ABTB3: variants seen among roughly 807,000 people sequenced by gnomAD.
The protein encoded by ABTB3 is ankyrin repeat- and BTB/POZ domain-containing protein 3.
the ABTB3 span, among the ~76,000 whole-genome samples, chr12:107,382,955 G>T: frequency 6.6e-6 from 1 of 152,150 alleles, no homozygotes; most frequent in South Asian, 2.1e-4. Context: ...TGGACTCACT[G>T]CAGGGTAGGA....
the ABTB3 span, among the ~76,000 whole-genome samples, chr12:107,516,825 T>C: frequency 6.6e-6 from 1 of 152,224 alleles, no homozygotes; most frequent in Non-Finnish European, 1.5e-5. Context: ...CCTCACCTGC[T>C]AGTTGGTTTA....
chr12:107,621,588 G>A, the ABTB3 span, among the ~76,000 whole-genome samples: 1 of 152,262 alleles, frequency 6.6e-6, no homozygotes, highest in East Asian at 1.9e-4. Context: ...TTACTTTGAG[G>A]TATGACATAC....
chr12:107,579,373 A>G, the ABTB3 span, among the ~76,000 whole-genome samples: 1 of 152,192 alleles, frequency 6.6e-6, no homozygotes, highest in Admixed American at 6.5e-5. Context: ...TATATAGTCA[A>G]GTAACTTGGG....
the ABTB3 span, among the ~76,000 whole-genome samples, chr12:107,631,624 C>A: frequency 5.3e-5 from 8 of 152,170 alleles, no homozygotes; most frequent in African/African-American, 1.7e-4. Context: ...AGGCTCCTCT[C>A]GATAGAGGCA....
the ABTB3 span, among the ~76,000 whole-genome samples, chr12:107,563,359 C>T: frequency 6.6e-6 from 1 of 152,098 alleles, no homozygotes; most frequent in Non-Finnish European, 1.5e-5. Flanking sequence ...TACAAAGTAC[C>T]AGCACTGTTC....
chr12:107,544,218 G>C, the ABTB3 span: 1 of 1,445,154 alleles, frequency 6.9e-7, no homozygotes. Context: ...TGGGGAGGAT[G>C]ATGGGGGTAG....
the ABTB3 span, among the ~76,000 whole-genome samples, chr12:107,616,319 G>A: frequency 6.6e-6 from 1 of 152,294 alleles, no homozygotes; most frequent in South Asian, 2.1e-4. Flanking sequence ...CCAAGTAGGT[G>A]GCTCCCCCAT....
chr12:107,575,645 A>G, the ABTB3 span, among the ~76,000 whole-genome samples: 208 of 152,246 alleles, frequency 1.4e-3, 1 homozygote, highest in African/African-American at 4.8e-3. Flanking sequence ...GACTGCCTGC[A>G]TTACCTAGCT....
chr12:107,363,885 C>G, the ABTB3 span, among the ~76,000 whole-genome samples: 1 of 152,178 alleles, frequency 6.6e-6, no homozygotes, highest in South Asian at 2.1e-4. Flanking sequence ...GGAGTCCTAA[C>G]TCTTGAGGCT....
the ABTB3 span, among the ~76,000 whole-genome samples, chr12:107,410,226 TAA>T: frequency 1.7e-4 from 21 of 122,208 alleles, no homozygotes; most frequent in South Asian, 2.6e-4. Context: ...TCAGAATTGT[TAA>T]AAAAAAAAAA....
the ABTB3 span, among the ~76,000 whole-genome samples, chr12:107,333,361 G>T: frequency 3.3e-5 from 5 of 152,292 alleles, no homozygotes; most frequent in African/African-American, 1.2e-4. Context: ...GCAAGCTGGG[G>T]TGCAAGTTTA....
At chr12:107,627,697 C>A in the ABTB3 span, among the ~76,000 whole-genome samples, 1 of 152,286 alleles carries the variant, frequency 6.6e-6, no homozygotes, top group East Asian at 1.9e-4. Context: ...AGTCATGGGC[C>A]CCTAGCATCT....
the ABTB3 span, among the ~76,000 whole-genome samples, chr12:107,564,100 G>C: frequency 4.8e-5 from 7 of 145,030 alleles, no homozygotes; most frequent in Admixed American, 1.4e-4. Context: ...CTGTGTGTGT[G>C]TGTGTGTGTG....
the ABTB3 span, among the ~76,000 whole-genome samples, chr12:107,520,811 G>T: frequency 0.029 from 4,437 of 152,330 alleles, 80 homozygotes; most frequent in Non-Finnish European, 0.045. Context: ...CGTGGGGAAG[G>T]TAAGAGCTCT....
chr12:107,362,204 T>C, the ABTB3 span, among the ~76,000 whole-genome samples: 1 of 152,194 alleles, frequency 6.6e-6, no homozygotes. Flanking sequence ...GAAGCAGATG[T>C]AAGTACCTAC....
At chr12:107,441,984 A>G in the ABTB3 span, among the ~76,000 whole-genome samples, 16 of 152,132 alleles carry the variant, frequency 1.1e-4, no homozygotes, top group African/African-American at 3.9e-4. Context: ...GTCATCTGGT[A>G]TCTGGGGTAT....
chr12:107,525,525 A>G, the ABTB3 span, among the ~76,000 whole-genome samples: 1 of 152,086 alleles, frequency 6.6e-6, no homozygotes, highest in Admixed American at 6.5e-5. Flanking sequence ...GATAGGCTAC[A>G]CCCTACAGCC....
the ABTB3 span, among the ~76,000 whole-genome samples, chr12:107,413,788 A>C: frequency 6.6e-6 from 1 of 152,190 alleles, no homozygotes; most frequent in Non-Finnish European, 1.5e-5. Flanking sequence ...AGTCCCTCTT[A>C]GGGGCAGGAC....
chr12:107,597,563 G>C, the ABTB3 span, among the ~76,000 whole-genome samples: 9 of 152,234 alleles, frequency 5.9e-5, 1 homozygote, highest in Admixed American at 5.9e-4. Flanking sequence ...ACCTTCCAAA[G>C]GTCCCACCTC....
Sources: gnomAD v4.1 joint callset for allele counts (sites outside exome capture counted in the v4.1 genomes callset) on GRCh38, gnomAD v4.1.1 for gene constraint, MANE v1.5 for transcripts, NCBI Gene and HGNC (gene_info 2026-07-23, HGNC 2026-07-21) for gene names.